GTF2I: variants seen among roughly 807,000 people sequenced by gnomAD.
GTF2I encodes the protein general transcription factor II-I.
Under a neutral mutation model 67.6 loss-of-function variants are expected in GTF2I, and 12 were observed. That is an observed-to-expected ratio of 0.18 (90% CI 0.11 to 0.29). The LOEUF is 0.29. Among genes scored for constraint, GTF2I ranks in the 10% least tolerant of loss-of-function variants. The pLI is 1.00. For missense variants in GTF2I, 271 were observed against 580.1 expected (o/e 0.47, Z 5.47); for synonymous variants, 149 against 197.0 (o/e 0.76, Z 2.04).
chr7:74,712,584 T>A (rs1277504425), intron 9 of GTF2I, among the ~76,000 whole-genome samples: 3 of 150,002 alleles, frequency 2.0e-5, no homozygotes, highest in African/African-American at 4.9e-5. Flanking sequence ...GAGTGAAGCT[T>A]ACACAGTGGT....
intron 8 of GTF2I, among the ~76,000 whole-genome samples, chr7:74,708,896 T>G (rs1554402018): frequency 6.6e-6 from 1 of 152,200 alleles, no homozygotes; most frequent in East Asian, 1.9e-4. Context: ...CTTTACTTCC[T>G]ACAAAGAAAT....
chr7:74,675,935 G>A (rs782074613), intron 1 of GTF2I, among the ~76,000 whole-genome samples: 8 of 152,164 alleles, frequency 5.3e-5, no homozygotes, highest in Admixed American at 2.0e-4. Context: ...GCTTGAACCC[G>A]GGAGGCAGAG....
intron 1 of GTF2I, among the ~76,000 whole-genome samples, chr7:74,668,122 G>C (rs1166417547): frequency 6.7e-6 from 1 of 150,078 alleles, no homozygotes; most frequent in African/African-American, 2.4e-5. Context: ...GTGAGCCACC[G>C]CGCCCAGTCT....
chr7:74,682,120 A>C (rs1584116799), intron 1 of GTF2I, among the ~76,000 whole-genome samples: 1 of 152,296 alleles, frequency 6.6e-6, no homozygotes, highest in Non-Finnish European at 1.5e-5. Context: ...AGACTTAATT[A>C]ATTAAATGAA....
rs1554399479 is a variant in GTF2I at position 74,700,236 on chromosome 7, A to C, written c.374-11A>C. ...ATTGAATGATGTTCATCCGCTTTTC[A>C]TCTGCCCCAGGGAAAGCTTTAGGCA... On this transcript the variant is annotated splice_polypyrimidine_tract_variant and intron_variant, in intron 4 of 34. Coordinates refer to ENST00000573035, the MANE Select transcript of GTF2I (RefSeq NM_032999.4). 1 of 1,612,040 alleles carries C rather than the reference A, an allele frequency of 6.2e-7. No individual in the cohort carries two copies. Among genetic ancestry groups the C allele is most frequent in the Admixed American group, 1.7e-5 (1 of 59,726 alleles).
At chr7:74,692,148 A>G (rs1358580843) in intron 3 of GTF2I, among the ~76,000 whole-genome samples, 2 of 148,234 alleles carry the variant, frequency 1.3e-5, no homozygotes, top group African/African-American at 5.0e-5. Flanking sequence ...ATCTCCGCTC[A>G]CTGCAACTTC....
At chr7:74,757,557 C>CTCCA (rs1796112639) in intron 32 of GTF2I, among the ~76,000 whole-genome samples, 1 of 44,992 alleles carries the variant, frequency 2.2e-5, no homozygotes, top group Admixed American at 3.2e-4. Flanking sequence ...TGCCACTGCA[C>CTCCA]TCCAGCCTGG....
In GTF2I at chr7:74,696,059, T is replaced by G. The variant is rs587733469; in HGVS notation, c.239-2902T>G. Among the ~76,000 whole-genome samples, 241 of 152,156 alleles carry G rather than the reference T, an allele frequency of 1.6e-3. 3 individuals carry two copies. In the South Asian group the frequency reaches 0.021, roughly 13 times the overall value. On this transcript the variant is annotated intron_variant, in intron 3 of 34. Transcript: ENST00000573035. ...CAGGCTGGAGTGCAGTGGCGTGATC[T>G]TGGCTCACTGCAACCTCAGCCTCCC...
At chr7:74,661,135 A>AGCCGAGGTTGTGAAACC (rs1804448556) in intron 1 of GTF2I, among the ~76,000 whole-genome samples, 1 of 152,076 alleles carries the variant, frequency 6.6e-6, no homozygotes, top group East Asian at 1.9e-4. Context: ...TCAACCCCTA[A>AGCCGAGGTTGTGAAACC]GCCGAGGTTG....
intron 6 of GTF2I, among the ~76,000 whole-genome samples, chr7:74,704,284 A>ATTTATTTT (rs1554400672): frequency 5.4e-5 from 8 of 149,182 alleles, no homozygotes; most frequent in South Asian, 2.1e-4. Flanking sequence ...TTATTTATTT[A>ATTTATTTT]TTTATTTATT....
chr7:74,726,899 A>AATAGATAGATAGATAG (rs57432289), intron 12 of GTF2I: 4 of 146,452 alleles, frequency 2.7e-5, no homozygotes, highest in African/African-American at 7.6e-5. Context: ...AGACCCTGCC[A>AATAGATAGATAGATAG]ATAGATAGAT....
At chr7:74,668,403 G>T (rs1416020574) in intron 1 of GTF2I, among the ~76,000 whole-genome samples, 1 of 151,312 alleles carries the variant, frequency 6.6e-6, no homozygotes, top group Non-Finnish European at 1.5e-5. Context: ...TGGAGAAGTG[G>T]AGCATGATGA....
At chr7:74,687,861 T>C (rs1167262328) in intron 1 of GTF2I, among the ~76,000 whole-genome samples, 1 of 152,204 alleles carries the variant, frequency 6.6e-6, no homozygotes, top group South Asian at 2.1e-4. Context: ...AATTTTTCAG[T>C]TATCTTTCCA....
intron 12 of GTF2I, chr7:74,722,762 GCTGGTA>G (rs1444928474): frequency 1.3e-5 from 2 of 152,160 alleles, no homozygotes; most frequent in Non-Finnish European, 2.9e-5. Flanking sequence ...ACTTACTGCA[GCTGGTA>G]CTGTAGGTTT....
chr7:74,704,305 T>C (rs1554400698), intron 6 of GTF2I, among the ~76,000 whole-genome samples: 1 of 151,832 alleles, frequency 6.6e-6, no homozygotes, highest in African/African-American at 2.4e-5. Flanking sequence ...TTTTTATTTA[T>C]TTTGAGATGG....
At chr7:74,669,183 A>G (rs1455211919) in intron 1 of GTF2I, among the ~76,000 whole-genome samples, 1 of 151,900 alleles carries the variant, frequency 6.6e-6, no homozygotes, top group Non-Finnish European at 1.5e-5. Flanking sequence ...GCTTCAGGAT[A>G]AAGAATCTTT....
chr7:74,671,719 C>T lies in GTF2I; in HGVS notation c.-6+13651C>T, dbSNP rs587594499. Reference sequence around the variant, plus strand: ...ACAGCCGGCTGGCCATGGTGTCTCACGCCTGTAATCTGAGTACTTTGAAAG... The same window carrying T: ...ACAGCCGGCTGGCCATGGTGTCTCATGCCTGTAATCTGAGTACTTTGAAAG... On this transcript the variant is annotated intron_variant, in intron 1 of 34. Coordinates refer to ENST00000573035, the MANE Select transcript of GTF2I (RefSeq NM_032999.4). Among the ~76,000 whole-genome samples, 7 of 152,102 alleles carry T rather than the reference C, an allele frequency of 4.6e-5. No individual in the cohort carries two copies. The East Asian group carries it at 9.6e-4, about 21-fold the overall frequency.
At chr7:74,749,912 A>G (rs1217317384) in intron 26 of GTF2I, among the ~76,000 whole-genome samples, 3 of 149,188 alleles carry the variant, frequency 2.0e-5, no homozygotes, top group Non-Finnish European at 4.5e-5. Flanking sequence ...AAAAAAAAAA[A>G]GAAGAAGAAA....
chr7:74,701,625 G>A (rs1481511935), intron 6 of GTF2I, among the ~76,000 whole-genome samples: 3 of 151,908 alleles, frequency 2.0e-5, no homozygotes, highest in South Asian at 2.1e-4. Flanking sequence ...ATGCTGCCAC[G>A]CCCGGCTAAT....
Sources: allele counts gnomAD v4.1 joint callset (sites outside exome capture counted in the v4.1 genomes callset), GRCh38; gene constraint gnomAD v4.1.1; transcripts MANE v1.5; gene names NCBI Gene and HGNC (gene_info 2026-07-23, HGNC 2026-07-21).